TENM2: variants seen among roughly 807,000 people sequenced by gnomAD.
TENM2 encodes teneurin transmembrane protein 2.
Under a neutral mutation model 245.2 loss-of-function variants are expected in TENM2, and 52 were observed. The ratio of observed to expected loss-of-function variants is 0.21; its 90% CI spans 0.17 to 0.27. The LOEUF (loss-of-function observed/expected upper bound fraction) is 0.27, where lower values mean the gene tolerates loss of function less well. TENM2 is among the 10% of genes least tolerant of loss of function. The pLI is 1.00. For missense variants in TENM2, 3,046 were observed against 3,666.8 expected, an observed-to-expected ratio of 0.83 and a Z score of 4.37; for synonymous variants, 1,363 against 1,438.9, an observed-to-expected ratio of 0.95 and a Z score of 1.19.
the TENM2 span, among the ~76,000 whole-genome samples, chr5:167,035,126 G>A: frequency 6.6e-6 from 1 of 152,014 alleles, no homozygotes; most frequent in African/African-American, 2.4e-5. Context: ...TGTCACCACA[G>A]ACTGTATTTT....
intron 1 of TENM2, among the ~76,000 whole-genome samples, chr5:167,309,244 C>T (rs1317187452): frequency 6.6e-6 from 1 of 152,130 alleles, no homozygotes; most frequent in Non-Finnish European, 1.5e-5. Flanking sequence ...GCCGCTCTCC[C>T]TTTCTCTGAC....
chr5:167,298,406 A>G (rs373679899), intron 1 of TENM2, among the ~76,000 whole-genome samples: 1 of 152,210 alleles, frequency 6.6e-6, no homozygotes, highest in Non-Finnish European at 1.5e-5. Flanking sequence ...GATTGAGACC[A>G]TCCTGGCTAA....
chr5:167,978,689 T>A (rs1782615903), intron 4 of TENM2, among the ~76,000 whole-genome samples: 1 of 150,288 alleles, frequency 6.7e-6, no homozygotes, highest in Admixed American at 6.6e-5. Flanking sequence ...TTTTGGGGGG[T>A]GATGAAAATG....
At chr5:167,913,423 C>T (rs1041506924) in intron 3 of TENM2, among the ~76,000 whole-genome samples, 47 of 152,292 alleles carry the variant, frequency 3.1e-4, no homozygotes, top group Admixed American at 9.8e-4. Flanking sequence ...TTTATGCAGA[C>T]GCTCTTTTTA....
intron 9 of TENM2, among the ~76,000 whole-genome samples, chr5:168,098,936 G>A (rs576872047): frequency 6.6e-6 from 1 of 151,972 alleles, no homozygotes; most frequent in African/African-American, 2.4e-5. Flanking sequence ...TTTTGAGATA[G>A]AGTCTCACTG....
At chr5:167,089,000 T>G in the TENM2 span, among the ~76,000 whole-genome samples, 1 of 152,216 alleles carries the variant, frequency 6.6e-6, no homozygotes, top group African/African-American at 2.4e-5. Context: ...CGCAGTTTCG[T>G]TTAGTGAGAC....
At chr5:167,599,206 T>A (rs1255250375) in intron 2 of TENM2, among the ~76,000 whole-genome samples, 1 of 152,144 alleles carries the variant, frequency 6.6e-6, no homozygotes, top group African/African-American at 2.4e-5. Flanking sequence ...GCTTGGGAAA[T>A]TTTTTGGGCT....
chr5:168,226,268 G>A lies in TENM2; in HGVS notation c.5284+5G>A. The A allele has an allele frequency of 6.2e-7, 1 of 1,611,188 alleles. No homozygotes were observed. Among genetic ancestry groups the A allele is most frequent in the Non-Finnish European group, 8.5e-7 (1 of 1,178,312 alleles). On this transcript the variant is annotated splice_donor_5th_base_variant and intron_variant, in intron 24 of 28. Coordinates refer to ENST00000518659, the Ensembl canonical transcript of TENM2. ...CCTCCTACACAGTGGTACAAGGTGA[G>A]CCTCCACCCATACCATCCTACCCCC... is the stretch of plus-strand genomic sequence containing the variant.
chr5:167,436,273 G>A (rs1282833958), intron 2 of TENM2, among the ~76,000 whole-genome samples: 1 of 151,882 alleles, frequency 6.6e-6, no homozygotes, highest in Non-Finnish European at 1.5e-5. Context: ...TTTTAGTAGA[G>A]ACAGGATTTT....
chr5:167,633,103 A>G (rs1778979604), intron 2 of TENM2, among the ~76,000 whole-genome samples: 1 of 152,196 alleles, frequency 6.6e-6, no homozygotes, highest in Non-Finnish European at 1.5e-5. Context: ...TATTGCTGAT[A>G]TATCTATATG....
At chr5:167,633,155 T>G (rs1215869272) in intron 2 of TENM2, among the ~76,000 whole-genome samples, 4 of 152,140 alleles carry the variant, frequency 2.6e-5, no homozygotes, top group African/African-American at 9.7e-5. Context: ...AAGATAGAGT[T>G]AAATATTTGA....
At chr5:167,616,594 G>A (rs1022190192) in intron 2 of TENM2, among the ~76,000 whole-genome samples, 3 of 152,018 alleles carry the variant, frequency 2.0e-5, no homozygotes, top group African/African-American at 7.2e-5. Flanking sequence ...GGCTGTAAGG[G>A]TATTAGGGAA....
At chr5:167,672,386 T>C (rs933468479) in intron 2 of TENM2, among the ~76,000 whole-genome samples, 2 of 152,014 alleles carry the variant, frequency 1.3e-5, no homozygotes, top group Non-Finnish European at 2.9e-5. Flanking sequence ...ATAACATTAA[T>C]GAAATAAAGA....
intron 9 of TENM2, among the ~76,000 whole-genome samples, chr5:168,116,785 A>G (rs1703034006): frequency 6.6e-6 from 1 of 152,186 alleles, no homozygotes; most frequent in African/African-American, 2.4e-5. Context: ...TGGGTGGGGC[A>G]GGTGACTAGG....
At chr5:167,202,898 C>T in the TENM2 span, among the ~76,000 whole-genome samples, 3 of 152,200 alleles carry the variant, frequency 2.0e-5, no homozygotes, top group Non-Finnish European at 4.4e-5. Context: ...ATGAATCCTC[C>T]TCTCAGGTTC....
At chr5:167,101,313 C>T in the TENM2 span, among the ~76,000 whole-genome samples, 21 of 152,260 alleles carry the variant, frequency 1.4e-4, no homozygotes, top group East Asian at 5.8e-4. Flanking sequence ...GAAACTCAAA[C>T]GAAATCTGAG....
At chr5:167,143,425 T>C in the TENM2 span, among the ~76,000 whole-genome samples, 2 of 152,236 alleles carry the variant, frequency 1.3e-5, no homozygotes, top group South Asian at 2.1e-4. Context: ...ATCTTCTTTA[T>C]TATAGTTTCA....
intron 2 of TENM2, among the ~76,000 whole-genome samples, chr5:167,588,643 T>G (rs1056950074): frequency 6.6e-6 from 1 of 152,234 alleles, no homozygotes; most frequent in Non-Finnish European, 1.5e-5. Context: ...AAATAAAATC[T>G]ACTGTAAGTA....
At chr5:167,624,104 A>G (rs1052455156) in intron 2 of TENM2, among the ~76,000 whole-genome samples, 6 of 152,182 alleles carry the variant, frequency 3.9e-5, no homozygotes, top group African/African-American at 7.2e-5. Context: ...TCATTCTACC[A>G]ATAAGAATAC....
Sources: allele counts gnomAD v4.1 joint callset (sites outside exome capture counted in the v4.1 genomes callset), GRCh38; gene constraint gnomAD v4.1.1; transcripts MANE v1.5; gene names NCBI Gene and HGNC (gene_info 2026-07-23, HGNC 2026-07-21).